Variants in PSMD1 observed in about 807,000 individuals in gnomAD.
PSMD1 encodes proteasome 26S subunit, non-ATPase 1, also known as 26S proteasome non-ATPase regulatory subunit 1.
PSMD1 carries 18 observed loss-of-function variants against 119.0 expected under a neutral mutation model. The ratio of observed to expected loss-of-function variants is 0.15; its 90% CI spans 0.10 to 0.22. The LOEUF is 0.22. PSMD1 is among the 10% of genes least tolerant of loss of function. PSMD1 has a pLI of 1.00. For missense variants in PSMD1, 702 were observed against 1,158.5 expected, an observed-to-expected ratio of 0.61 and a Z score of 5.72; for synonymous variants, 374 against 396.6, an observed-to-expected ratio of 0.94 and a Z score of 0.68.
chr2:231,103,307 A>G (rs767545565), intron 16 of PSMD1, among the ~76,000 whole-genome samples: 3 of 152,204 alleles, frequency 2.0e-5, no homozygotes, highest in African/African-American at 7.2e-5. Context: ...CATTTTGCCA[A>G]CTTTTTCATA....
chr2:231,123,557 C>A (rs1420667300), intron 16 of PSMD1: 2 of 1,614,012 alleles, frequency 1.2e-6, no homozygotes, highest in Non-Finnish European at 8.5e-7. Context: ...GTATTTCCAC[C>A]AATTGTGGGT....
chr2:231,137,316 A>AT (rs1695996214), intron 16 of PSMD1, among the ~76,000 whole-genome samples: 1 of 151,542 alleles, frequency 6.6e-6, no homozygotes, highest in African/African-American at 2.4e-5. Flanking sequence ...AGGTTTCACC[A>AT]TGTTGGCCAT....
At chr2:231,141,872 ATTTG>A (rs975655793) in intron 17 of PSMD1, among the ~76,000 whole-genome samples, 27 of 151,356 alleles carry the variant, frequency 1.8e-4, no homozygotes, top group South Asian at 1.7e-3. Flanking sequence ...TTATTTATTT[ATTTG>A]TTTGTTTATT....
chr2:231,158,411 T>C (rs1215803411), intron 19 of PSMD1, among the ~76,000 whole-genome samples: 1 of 152,198 alleles, frequency 6.6e-6, no homozygotes, highest in Non-Finnish European at 1.5e-5. Context: ...CACTCAGTGA[T>C]TCAGTCTCTT....
intron 7 of PSMD1, among the ~76,000 whole-genome samples, chr2:231,073,538 T>A (rs931254572): frequency 6.6e-6 from 1 of 152,152 alleles, no homozygotes; most frequent in African/African-American, 2.4e-5. Flanking sequence ...TATAAGTCTG[T>A]GGGTGTTCTG....
intron 19 of PSMD1, among the ~76,000 whole-genome samples, chr2:231,157,430 CTTTTTTTTTTT>C (rs756874279): frequency 7.8e-6 from 1 of 128,892 alleles, no homozygotes; most frequent in African/African-American, 2.8e-5. Context: ...TTTTCTTTTT[CTTTTTTTTTTT>C]TTTTATATCT....
intron 7 of PSMD1, 88 bp downstream of exon 7, chr2:231,072,503 C>T: frequency 1.6e-6 from 2 of 1,249,956 alleles, no homozygotes; most frequent in Non-Finnish European, 2.3e-6. Context: ...GAAGCATATT[C>T]TAAGAATAAA....
At chr2:231,158,519 G>T (rs1277327544) in intron 19 of PSMD1, among the ~76,000 whole-genome samples, 1 of 152,156 alleles carries the variant, frequency 6.6e-6, no homozygotes, top group Non-Finnish European at 1.5e-5. Context: ...ATCTCAGAAT[G>T]TTAGAACAAA....
intron 4 of PSMD1, among the ~76,000 whole-genome samples, chr2:231,064,273 T>G (rs757855349): frequency 6.6e-6 from 1 of 152,202 alleles, no homozygotes; most frequent in Non-Finnish European, 1.5e-5. Flanking sequence ...TGGGTAAGGC[T>G]TCCTAGCGTC....
At chr2:231,109,131 G>C (rs755147585) in intron 16 of PSMD1, 2 of 1,614,108 alleles carry the variant, frequency 1.2e-6, no homozygotes, top group South Asian at 2.2e-5. Context: ...ACCTTTTCCG[G>C]TGACGAGCAA....
At chr2:231,090,363 G>A (rs899640536) in intron 16 of PSMD1, among the ~76,000 whole-genome samples, 1 of 152,172 alleles carries the variant, frequency 6.6e-6, no homozygotes, top group Non-Finnish European at 1.5e-5. Flanking sequence ...CTGACATGGT[G>A]AAACCCTGTC....
chr2:231,078,919 C>T (rs1432723312), intron 10 of PSMD1, among the ~76,000 whole-genome samples, 172 bp downstream of exon 10: 1 of 151,732 alleles, frequency 6.6e-6, no homozygotes, highest in East Asian at 1.9e-4. Context: ...CTCAGCCTCC[C>T]AAGTAGCTGG....
At chr2:231,070,495 A>G (rs115891846) in intron 6 of PSMD1, among the ~76,000 whole-genome samples, 6,257 of 152,250 alleles carry the variant, frequency 0.041, 181 homozygotes, top group Middle Eastern at 0.12. Context: ...AACAGTGCCT[A>G]TGCTATACTA....
chr2:231,127,856 G>A (rs948953026), intron 16 of PSMD1, among the ~76,000 whole-genome samples: 1 of 152,188 alleles, frequency 6.6e-6, no homozygotes, highest in African/African-American at 2.4e-5. Flanking sequence ...CTTCATTTGT[G>A]TAGAATATTT....
At chr2:231,161,209 G>A (rs1696631497) in intron 19 of PSMD1, 131 bp from the exon 20 acceptor site, 6 of 870,732 alleles carry the variant, frequency 6.9e-6, no homozygotes, top group Middle Eastern at 3.3e-4. Context: ...TGTCACCCGA[G>A]CTTGGGTAAC....
chr2:231,143,054 T>C (rs1406228720), intron 17 of PSMD1, among the ~76,000 whole-genome samples: 3 of 152,052 alleles, frequency 2.0e-5, no homozygotes, highest in Non-Finnish European at 2.9e-5. Context: ...ACAAGCCTAT[T>C]ACTCTTTTCG....
At chr2:231,138,991 C>T (rs1465659472) in intron 17 of PSMD1, 141 bp downstream of exon 17, 1 of 730,656 alleles carries the variant, frequency 1.4e-6, no homozygotes, top group Non-Finnish European at 2.5e-6. Context: ...CTTCCCAGTA[C>T]TCCCTCATTC....
chr2:231,164,291 A>G (rs1696706410), intron 21 of PSMD1, among the ~76,000 whole-genome samples: 1 of 152,218 alleles, frequency 6.6e-6, no homozygotes, highest in Non-Finnish European at 1.5e-5. Context: ...AGTAATGCAC[A>G]TTATGTTCAT....
chr2:231,114,386 C>G (rs554085245), intron 16 of PSMD1, among the ~76,000 whole-genome samples: 1 of 152,112 alleles, frequency 6.6e-6, no homozygotes, highest in African/African-American at 2.4e-5. Flanking sequence ...TCTGTGACAC[C>G]TGGGTTTTGG....
Sources: gnomAD v4.1 joint callset for allele counts (sites outside exome capture counted in the v4.1 genomes callset) on GRCh38, gnomAD v4.1.1 for gene constraint, MANE v1.5 for transcripts, NCBI Gene and HGNC (gene_info 2026-07-23, HGNC 2026-07-21) for gene names.